SYN3: variants seen among roughly 807,000 people sequenced by gnomAD.
SYN3 encodes synapsin III.
SYN3 carries 35 observed loss-of-function variants against 65.8 expected under a neutral mutation model. The ratio of observed to expected loss-of-function variants is 0.53; its 90% CI spans 0.41 to 0.70. SYN3 has a LOEUF of 0.70. Ranked by LOEUF, SYN3 falls within the 30% of genes least tolerant of loss-of-function variation. SYN3 has a pLI of 0.00. For synonymous variants in SYN3, 270 were observed against 292.9 expected (o/e 0.92, Z 0.80); for missense variants, 680 against 749.0 (o/e 0.91, Z 1.08).
chr22:32,807,371 TA>T (rs1224530552), intron 6 of SYN3, among the ~76,000 whole-genome samples: 1 of 111,230 alleles, frequency 9.0e-6, no homozygotes, highest in Non-Finnish European at 1.7e-5. Flanking sequence ...TAATATATAT[TA>T]TATATAATAT....
intron 2 of SYN3, among the ~76,000 whole-genome samples, chr22:32,996,117 T>C (rs2052872585): frequency 6.6e-6 from 1 of 152,182 alleles, no homozygotes; most frequent in Non-Finnish European, 1.5e-5. Flanking sequence ...AATCCTGAAT[T>C]TACCCTTAAT....
At chr22:32,594,600 G>C (rs2059172484) in intron 7 of SYN3, among the ~76,000 whole-genome samples, 1 of 151,930 alleles carries the variant, frequency 6.6e-6, no homozygotes, top group Non-Finnish European at 1.5e-5. Context: ...CGATTCTCCT[G>C]CCGCAGCTTT....
chr22:32,702,595 G>A (rs2060824694), intron 6 of SYN3, among the ~76,000 whole-genome samples: 1 of 152,168 alleles, frequency 6.6e-6, no homozygotes, highest in Non-Finnish European at 1.5e-5. Context: ...TGTTACAAAA[G>A]ATCTTCTGAT....
chr22:32,865,037 T>G (rs2146326685), intron 5 of SYN3, 33 bp from the exon 6 acceptor site: 1 of 1,554,798 alleles, frequency 6.4e-7, no homozygotes, highest in Non-Finnish European at 8.9e-7. Context: ...ATTGATCAAC[T>G]ATTGTCACCC....
chr22:32,890,385 CCT>C (rs1491463607), intron 4 of SYN3, among the ~76,000 whole-genome samples: 2 of 151,830 alleles, frequency 1.3e-5, no homozygotes, highest in Middle Eastern at 3.2e-3. Context: ...TGATTTAGCA[CCT>C]TTTTTTTATT....
chr22:32,603,475 G>T (rs142854204), intron 6 of SYN3, among the ~76,000 whole-genome samples: 12 of 150,464 alleles, frequency 8.0e-5, no homozygotes, highest in African/African-American at 2.9e-4. Context: ...AGCCGAGATC[G>T]TGCCACTGCA....
intron 1 of SYN3, among the ~76,000 whole-genome samples, chr22:33,036,854 G>A (rs756957119): frequency 1.4e-4 from 21 of 151,962 alleles, no homozygotes; most frequent in Admixed American, 1.2e-3. Context: ...ACCACACCAG[G>A]CTAATTTTGT....
intron 1 of SYN3, among the ~76,000 whole-genome samples, chr22:33,010,759 TATGA>T (rs1466424016): frequency 6.6e-6 from 1 of 152,222 alleles, no homozygotes; most frequent in Non-Finnish European, 1.5e-5. Flanking sequence ...TTGGGTTCTC[TATGA>T]ACACAGTAGA....
chr22:32,767,339 C>T (rs1376589474), intron 6 of SYN3, among the ~76,000 whole-genome samples: 4 of 152,014 alleles, frequency 2.6e-5, no homozygotes, highest in Non-Finnish European at 2.9e-5. Flanking sequence ...AGTTTCTGCT[C>T]CCACTACTTT....
At chr22:32,822,190 T>C (rs1207911209) in intron 6 of SYN3, among the ~76,000 whole-genome samples, 1 of 150,010 alleles carries the variant, frequency 6.7e-6, no homozygotes, top group Non-Finnish European at 1.5e-5. Context: ...TGGAGCTCTG[T>C]CTGTCTGTCC....
At chr22:32,796,805 G>C (rs1301169440) in intron 6 of SYN3, among the ~76,000 whole-genome samples, 1 of 152,146 alleles carries the variant, frequency 6.6e-6, no homozygotes, top group African/African-American at 2.4e-5. Flanking sequence ...TCTCCAGGTT[G>C]AATTTCCAAA....
At chr22:32,569,559 C>G (rs202129653) in intron 7 of SYN3, among the ~76,000 whole-genome samples, 166 of 51,216 alleles carry the variant, frequency 3.2e-3, no homozygotes, top group African/African-American at 8.4e-3. Context: ...CTCTCTCTCT[C>G]TCTCTCTCTC....
intron 3 of SYN3, among the ~76,000 whole-genome samples, chr22:32,933,930 C>T (rs961049752): frequency 3.3e-5 from 5 of 152,162 alleles, no homozygotes; most frequent in African/African-American, 9.7e-5. Context: ...GGAATTATGA[C>T]CAAAGACCCA....
At chr22:32,746,058 G>A (rs1352799212) in intron 6 of SYN3, among the ~76,000 whole-genome samples, 2 of 152,168 alleles carry the variant, frequency 1.3e-5, no homozygotes, top group Admixed American at 1.3e-4. Context: ...CAGTTTCATA[G>A]TCACCTCTTA....
At chr22:32,679,839 C>CTTTTTTTTTTTTTTCTTTTTT (rs2060498158) in intron 6 of SYN3, among the ~76,000 whole-genome samples, 1 of 39,150 alleles carries the variant, frequency 2.6e-5, no homozygotes. Flanking sequence ...TGTTTTTTGG[C>CTTTTTTTTTTTTTTCTTTTTT]TTTTTTTTTT....
chr22:32,988,826 C>T (rs1032001338), intron 2 of SYN3, among the ~76,000 whole-genome samples: 5 of 152,080 alleles, frequency 3.3e-5, no homozygotes, highest in African/African-American at 4.8e-5. Context: ...GAAGTAGGTA[C>T]GTCCTGGGGG....
chr22:32,909,626 C>T (rs1569319510), intron 4 of SYN3, among the ~76,000 whole-genome samples: 1 of 138,756 alleles, frequency 7.2e-6, no homozygotes, highest in Non-Finnish European at 1.6e-5. Flanking sequence ...CCCCGCCCCC[C>T]CACCCCTTAC....
chr22:32,539,042 C>T (rs1250033989), intron 8 of SYN3, among the ~76,000 whole-genome samples: 2 of 152,012 alleles, frequency 1.3e-5, no homozygotes, highest in Non-Finnish European at 2.9e-5. Context: ...CATCTGGCCT[C>T]GGCAAAGACT....
intron 6 of SYN3, among the ~76,000 whole-genome samples, chr22:32,808,613 T>C (rs1353911542): frequency 6.6e-6 from 1 of 152,244 alleles, no homozygotes; most frequent in African/African-American, 2.4e-5. Context: ...TGGTCTGTCC[T>C]GCTCCAGCTG....
Sources: allele counts gnomAD v4.1 joint callset (sites outside exome capture counted in the v4.1 genomes callset), GRCh38; gene constraint gnomAD v4.1.1; transcripts MANE v1.5; gene names NCBI Gene and HGNC (gene_info 2026-07-23, HGNC 2026-07-21).